LHFPL3: variants seen among roughly 807,000 people sequenced by gnomAD.
The protein encoded by LHFPL3 is LHFPL tetraspan subfamily member 3 protein.
In LHFPL3, 5 loss-of-function variants were observed where a neutral mutation model predicts 19.3. The observed-to-expected ratio is 0.26, with a 90% CI of 0.14 to 0.54. The LOEUF (loss-of-function observed/expected upper bound fraction) is 0.54. Among genes scored for constraint, LHFPL3 ranks in the 20% least tolerant of loss-of-function variants. The pLI is 0.94. For synonymous variants in LHFPL3, 133 were observed against 126.2 expected (o/e 1.05, Z -0.36); for missense variants, 249 against 307.4 (o/e 0.81, Z 1.42).
At chr7:104,329,432 CTT>C (rs1048193924) in intron 1 of LHFPL3, among the ~76,000 whole-genome samples, 1 of 152,248 alleles carries the variant, frequency 6.6e-6, no homozygotes, top group African/African-American at 2.4e-5. Flanking sequence ...CGTCCCGGGG[CTT>C]TCGTGAGCCT....
intron 2 of LHFPL3, among the ~76,000 whole-genome samples, chr7:104,897,695 C>G (rs114261408): frequency 6.6e-6 from 1 of 152,330 alleles, no homozygotes; most frequent in African/African-American, 2.4e-5. Context: ...TAGTAATCTA[C>G]TTATTAAACA....
intron 1 of LHFPL3, among the ~76,000 whole-genome samples, chr7:104,549,032 A>G (rs2024483): frequency 0.97 from 147,896 of 152,258 alleles, 71,982 homozygotes; most frequent in East Asian, 1. Flanking sequence ...GAATCCAGTA[A>G]TTGGACTTGT....
chr7:104,903,990 T>G (rs182221761), intron 2 of LHFPL3, among the ~76,000 whole-genome samples: 2 of 152,360 alleles, frequency 1.3e-5, no homozygotes, highest in African/African-American at 4.8e-5. Context: ...TGTTTTAAGT[T>G]GTTGGAGAAA....
At chr7:104,435,555 T>C (rs1326077844) in intron 1 of LHFPL3, among the ~76,000 whole-genome samples, 3 of 146,614 alleles carry the variant, frequency 2.0e-5, no homozygotes, top group African/African-American at 7.6e-5. Context: ...TATTTTTCTT[T>C]CTAGATTTTT....
chr7:104,604,274 G>A (rs1393059380), intron 1 of LHFPL3, among the ~76,000 whole-genome samples: 2 of 152,168 alleles, frequency 1.3e-5, no homozygotes, highest in African/African-American at 2.4e-5. Context: ...CAGGGTGGTC[G>A]AAGAGTGCTG....
intron 2 of LHFPL3, among the ~76,000 whole-genome samples, chr7:104,812,619 G>A (rs1790492982): frequency 6.6e-6 from 1 of 151,518 alleles, no homozygotes; most frequent in African/African-American, 2.4e-5. Context: ...GGCCAACATA[G>A]AGAGACCCCA....
At chr7:104,840,527 T>TTCAAG (rs1791182632) in intron 2 of LHFPL3, among the ~76,000 whole-genome samples, 1 of 125,570 alleles carries the variant, frequency 8.0e-6, no homozygotes, top group African/African-American at 3.0e-5. Context: ...CCTTGTTGCC[T>TTCAAG]AGGCTGGTCT....
chr7:104,530,148 A>AT (rs1794268114), intron 1 of LHFPL3, among the ~76,000 whole-genome samples: 1 of 152,204 alleles, frequency 6.6e-6, no homozygotes, highest in Non-Finnish European at 1.5e-5. Flanking sequence ...GATAGGACTG[A>AT]CTAATCATCA....
intron 1 of LHFPL3, among the ~76,000 whole-genome samples, chr7:104,649,864 A>T (rs1791998638): frequency 6.6e-6 from 1 of 152,210 alleles, no homozygotes; most frequent in African/African-American, 2.4e-5. Context: ...ACTCAAAAGA[A>T]GCATGGTCAG....
At chr7:104,549,455 AC>A (rs2115902924) in intron 1 of LHFPL3, among the ~76,000 whole-genome samples, 1 of 116,926 alleles carries the variant, frequency 8.6e-6, no homozygotes, top group East Asian at 2.0e-4. Flanking sequence ...CCCAACACAC[AC>A]ACACACACAC....
chr7:104,582,568 T>G lies in LHFPL3; in HGVS notation c.446-154107T>G, dbSNP rs559624499. 7.9e-5 allele frequency among the ~76,000 whole-genome samples: 12 copies of G among 152,186 alleles called. No individual in the cohort carries two copies. In the South Asian group the frequency reaches 2.3e-3, roughly 29 times the overall value. Reference sequence around the variant, plus strand: ...ATTATAGGGAGAAAGTATCAATATTTCACCATTGGATATAATGTTAGGTAC... The same window carrying G: ...ATTATAGGGAGAAAGTATCAATATTGCACCATTGGATATAATGTTAGGTAC... On this transcript the variant is annotated intron_variant, in intron 1 of 2. Transcript: ENST00000424859.
rs570382769 is a variant in LHFPL3 at position 104,613,621 on chromosome 7, C to T, written c.446-123054C>T. Among the ~76,000 whole-genome samples the T allele has an allele frequency of 1.4e-4, 22 of 152,234 alleles. No homozygotes were observed. In the East Asian group the frequency reaches 4.0e-3, roughly 28 times the overall value. On this transcript the variant is annotated intron_variant, in intron 1 of 2. Transcript: ENST00000424859. ...ACCAACCCATCTACCCTCCACTCAC[C>T]CCTAATCAGCACTTGCCTAGATAAC...
chr7:104,589,462 C>T (rs946390297), intron 1 of LHFPL3, among the ~76,000 whole-genome samples: 19 of 152,274 alleles, frequency 1.2e-4, no homozygotes, highest in Middle Eastern at 3.4e-3. Flanking sequence ...GTGATGAAAC[C>T]AACTTGATCG....
intron 2 of LHFPL3, among the ~76,000 whole-genome samples, chr7:104,751,375 A>T (rs1356607047): frequency 8.2e-5 from 12 of 147,178 alleles, no homozygotes; most frequent in African/African-American, 3.0e-4. Flanking sequence ...AGGGGCAGGC[A>T]CTTCCTGGGT....
intron 1 of LHFPL3, among the ~76,000 whole-genome samples, chr7:104,596,080 A>G (rs1015566731): frequency 6.6e-6 from 1 of 152,222 alleles, no homozygotes; most frequent in South Asian, 2.1e-4. Flanking sequence ...CTGTCCAATC[A>G]GTCCCAGTGA....
intron 1 of LHFPL3, among the ~76,000 whole-genome samples, chr7:104,493,517 C>G (rs553000932): frequency 6.6e-6 from 1 of 152,132 alleles, no homozygotes; most frequent in East Asian, 1.9e-4. Context: ...CCTCCAGTCA[C>G]CTTCAAAACT....
At chr7:104,651,449 T>C (rs1057484691) in intron 1 of LHFPL3, among the ~76,000 whole-genome samples, 1 of 152,220 alleles carries the variant, frequency 6.6e-6, no homozygotes, top group Non-Finnish European at 1.5e-5. Context: ...CCTGGGGCCT[T>C]GGCACCTGCT....
chr7:104,684,985 G>C (rs1303847116), intron 1 of LHFPL3, among the ~76,000 whole-genome samples: 2 of 152,194 alleles, frequency 1.3e-5, no homozygotes, highest in East Asian at 3.8e-4. Flanking sequence ...AATACGAATT[G>C]ATTATCTCAG....
chr7:104,576,778 T>C (rs563376731), intron 1 of LHFPL3, among the ~76,000 whole-genome samples: 107 of 152,340 alleles, frequency 7.0e-4, no homozygotes, highest in African/African-American at 2.4e-3. Flanking sequence ...AAACAAGTTA[T>C]GGCTATAAAC....
Sources: gnomAD v4.1 joint callset for allele counts (sites outside exome capture counted in the v4.1 genomes callset) on GRCh38, gnomAD v4.1.1 for gene constraint, MANE v1.5 for transcripts, NCBI Gene and HGNC (gene_info 2026-07-23, HGNC 2026-07-21) for gene names.